DEGS2: variants seen among roughly 807,000 people sequenced by gnomAD.
DEGS2 encodes the protein sphingolipid delta(4)-desaturase/C4-monooxygenase DES2.
Under a neutral mutation model 23.8 loss-of-function variants are expected in DEGS2, and 19 were observed. The ratio of observed to expected loss-of-function variants is 0.80; its 90% CI spans 0.56 to 1.17. The LOEUF is 1.17. Ranked by LOEUF, DEGS2 falls within the 50% of genes most tolerant of loss-of-function variation. DEGS2 has a pLI of 0.00. For missense variants in DEGS2, 390 were observed against 459.5 expected, an observed-to-expected ratio of 0.85 and a Z score of 1.38; for synonymous variants, 218 against 213.7, an observed-to-expected ratio of 1.02 and a Z score of -0.18.
At chr14:100,154,816 C>T (rs571677966) in intron 1 of DEGS2, among the ~76,000 whole-genome samples, 1 of 152,324 alleles carries the variant, frequency 6.6e-6, no homozygotes, top group African/African-American at 2.4e-5. Context: ...GGCTGCTGTA[C>T]CCTTGCCTCC....
At chr14:100,157,809 T>A (rs1207505378) in intron 1 of DEGS2, among the ~76,000 whole-genome samples, 1 of 152,078 alleles carries the variant, frequency 6.6e-6, no homozygotes, top group Non-Finnish European at 1.5e-5. Context: ...AAAAGTTGGC[T>A]GGGCGCAGTG....
At chr14:100,147,667 C>CG (rs1314115685) in intron 2 of DEGS2, among the ~76,000 whole-genome samples, 1 of 147,480 alleles carries the variant, frequency 6.8e-6, no homozygotes, top group Non-Finnish European at 1.5e-5. Context: ...TGCCCCCCCC[C>CG]CCCAGGATGC....
upstream of DEGS2, among the ~76,000 whole-genome samples, chr14:100,163,096 C>T (rs1358238698): frequency 6.6e-6 from 1 of 152,218 alleles, no homozygotes. Context: ...GGAGTGAGAG[C>T]AGTGCCCCCA....
intron 1 of DEGS2, among the ~76,000 whole-genome samples, chr14:100,152,072 G>A (rs1889581164): frequency 6.6e-6 from 1 of 152,266 alleles, no homozygotes; most frequent in African/African-American, 2.4e-5. Flanking sequence ...GGTCACAGAG[G>A]TTCAGGGACA....
intron 1 of DEGS2, among the ~76,000 whole-genome samples, chr14:100,153,271 ATAG>A (rs1889605055): frequency 1.0e-5 from 1 of 96,390 alleles, no homozygotes; most frequent in Non-Finnish European, 2.5e-5. Context: ...AGATAGATAG[ATAG>A]ATAGATAGAT....
intron 1 of DEGS2, among the ~76,000 whole-genome samples, chr14:100,150,955 G>A (rs373491849): frequency 1.6e-4 from 25 of 152,352 alleles, no homozygotes; most frequent in South Asian, 1.2e-3. Flanking sequence ...TGGGACCCCA[G>A]AAACAGGCAC....
chr14:100,157,470 G>T (rs1249947449), intron 1 of DEGS2, among the ~76,000 whole-genome samples: 1 of 152,214 alleles, frequency 6.6e-6, no homozygotes, highest in Non-Finnish European at 1.5e-5. Flanking sequence ...CTGCTGAGGG[G>T]CAGTAGCCAG....
Position 100,149,043 on chromosome 14 carries a change from G to A in DEGS2, c.750C>T (p.Asn250=). Residue 250 remains asparagine (N), a synonymous_variant, in exon 2 of 3, where the codon AAC becomes AAT. Transcript: ENST00000305631. The stretch of plus-strand genomic sequence containing the variant: ...GGTAGCCCACATTGAAGGTGATCCA[G>A]TTGAGAGGCCCATAGTAGGAGTAGG... ...HETYSYYGPL[N]WITFNVGYHV... 2.5e-6 allele frequency: 4 copies of A among 1,612,922 alleles called. No individual in the cohort carries two copies. The East Asian group carries it at 8.9e-5, about 36-fold the overall frequency.
chr14:100,166,013 G>A, the DEGS2 span, among the ~76,000 whole-genome samples: 10 of 49,526 alleles, frequency 2.0e-4, no homozygotes, highest in South Asian at 1.2e-3. Context: ...GGAGAGTGGG[G>A]GGAGCCTGTC....
chr14:100,159,288 C>T (rs1467868206), intron 1 of DEGS2, among the ~76,000 whole-genome samples: 1 of 152,220 alleles, frequency 6.6e-6, no homozygotes, highest in Non-Finnish European at 1.5e-5. Context: ...TACTGGGGTC[C>T]TCGGAATCCT....
chr14:100,159,358 G>C, intron 1 of DEGS2, 148 bp downstream of exon 1: 1 of 596,498 alleles, frequency 1.7e-6, no homozygotes, highest in Non-Finnish European at 2.7e-6. Flanking sequence ...GCCGGCCGGG[G>C]ACCCCAGGGA....
chr14:100,164,089 G>A (rs1889779865), upstream of DEGS2, among the ~76,000 whole-genome samples: 2 of 151,882 alleles, frequency 1.3e-5, no homozygotes, highest in South Asian at 2.1e-4. Context: ...GGTGGCTCGC[G>A]CCTGTGGTCC....
intron 1 of DEGS2, 130 bp downstream of exon 1, chr14:100,159,376 G>C: frequency 1.5e-6 from 1 of 683,412 alleles, no homozygotes; most frequent in Non-Finnish European, 2.2e-6. Flanking sequence ...GGAGGGGAGC[G>C]GCAATGGCGG....
intron 1 of DEGS2, among the ~76,000 whole-genome samples, chr14:100,157,924 C>A (rs1274177736): frequency 6.6e-6 from 1 of 151,554 alleles, no homozygotes; most frequent in African/African-American, 2.4e-5. Context: ...CCCATCTCTA[C>A]TACAAATACA....
upstream of DEGS2, among the ~76,000 whole-genome samples, chr14:100,161,374 C>T (rs1053069216): frequency 1.3e-5 from 2 of 152,134 alleles, no homozygotes; most frequent in African/African-American, 4.8e-5. Flanking sequence ...GGGAGTGGAA[C>T]AGACACCCAG....
the DEGS2 span, among the ~76,000 whole-genome samples, chr14:100,165,648 G>T: frequency 6.6e-6 from 1 of 152,124 alleles, no homozygotes; most frequent in Non-Finnish European, 1.5e-5. Flanking sequence ...TCTCCGCTCC[G>T]AACTCAGGAC....
intron 1 of DEGS2, among the ~76,000 whole-genome samples, chr14:100,157,517 G>A (rs1386997387): frequency 2.6e-5 from 4 of 152,220 alleles, no homozygotes; most frequent in Non-Finnish European, 4.4e-5. Context: ...CAGGGAGGGA[G>A]GGTCAGATGA....
Position 100,149,115 on chromosome 14 carries a change from C to G in DEGS2, c.678G>C (p.Ser226=), listed in dbSNP as rs529147392. 8 of 1,612,980 alleles carry G rather than the reference C, an allele frequency of 5.0e-6. No individual in the cohort carries two copies. Among genetic ancestry groups the G allele is most frequent in the East Asian group, 2.2e-5 (1 of 44,884 alleles). Residue 226 remains serine (S), a synonymous_variant, in exon 2 of 3, where the codon TCG becomes TCC. Coordinates refer to ENST00000305631, the MANE Select transcript of DEGS2 (RefSeq NM_206918.3). ...SFLGLGLHPI[S]GHFVAEHYMF... ...TGTAGTGCTCGGCCACGAAGTGGCC[C>G]GAGATGGGGTGCAGGCCCAGGCCCA... is the stretch of plus-strand genomic sequence containing the variant.
At chr14:100,151,899 G>A (rs972462191) in intron 1 of DEGS2, among the ~76,000 whole-genome samples, 15 of 152,292 alleles carry the variant, frequency 9.8e-5, no homozygotes, top group East Asian at 5.8e-4. Flanking sequence ...GCTCCAGAGC[G>A]CCCAGGTCCC....
Sources: allele counts gnomAD v4.1 joint callset (sites outside exome capture counted in the v4.1 genomes callset), GRCh38; gene constraint gnomAD v4.1.1; transcripts MANE v1.5; gene names NCBI Gene and HGNC (gene_info 2026-07-23, HGNC 2026-07-21).